Variants in SLC12A9 observed in about 807,000 individuals in gnomAD.
SLC12A9 encodes the protein solute carrier family 12 member 9.
SLC12A9 carries 55 observed loss-of-function variants against 66.0 expected under a neutral mutation model. That is an observed-to-expected ratio of 0.83 (90% CI 0.67 to 1.04). The LOEUF (loss-of-function observed/expected upper bound fraction) is 1.04. Among genes scored for constraint, SLC12A9 ranks in the 50% least tolerant of loss-of-function variants. The pLI, the probability that SLC12A9 is intolerant of heterozygous loss-of-function variation, is 0.00. For synonymous variants in SLC12A9, 577 were observed against 569.0 expected, an observed-to-expected ratio of 1.01 and a Z score of -0.20; for missense variants, 1,061 against 1,241.9, an observed-to-expected ratio of 0.85 and a Z score of 2.19.
chr7:100,838,643 A>T (rs1813716883), intron 1 of SLC12A9, among the ~76,000 whole-genome samples: 1 of 152,122 alleles, frequency 6.6e-6, no homozygotes, highest in Admixed American at 6.5e-5. Context: ...CACCCTCCCC[A>T]GTACCTAGGA....
intron 13 of SLC12A9, among the ~76,000 whole-genome samples, chr7:100,864,026 A>T (rs1004205054): frequency 6.6e-6 from 1 of 150,478 alleles, no homozygotes. Flanking sequence ...GAAATACGAA[A>T]TTTTTCCTGT....
chr7:100,847,082 T>C (rs1243426244), intron 1 of SLC12A9, among the ~76,000 whole-genome samples: 2 of 152,184 alleles, frequency 1.3e-5, no homozygotes, highest in African/African-American at 4.8e-5. Context: ...CTCGAGGAGC[T>C]TGGCTCTTGA....
chr7:100,832,516 G>A (rs1456495205), intron 1 of SLC12A9, among the ~76,000 whole-genome samples: 1 of 151,956 alleles, frequency 6.6e-6, no homozygotes, highest in African/African-American at 2.4e-5. Flanking sequence ...CCATCTCTAA[G>A]CAAAAATTAA....
Position 100,859,927 on chromosome 7 carries a change from C to T in SLC12A9, c.1020C>T (p.Ser340=). The T allele has an allele frequency of 6.2e-7, 1 of 1,609,934 alleles. No individual in the cohort carries two copies. The change falls in exon 8 of 14, where the codon AGC becomes AGT. Residue 340 remains serine, a synonymous_variant. Transcript: ENST00000354161. ...QEDYGFFRAI[S]LWPPLVLIGI... ...ACTATGGGTTCTTCCGCGCCATCAG[C>T]CTGTGGCCCCCACTGGTGTTGATCG...
upstream of SLC12A9, among the ~76,000 whole-genome samples, chr7:100,850,263 T>C (rs535436882): frequency 1.2e-3 from 174 of 143,248 alleles, 1 homozygote; most frequent in Middle Eastern, 6.9e-3. Flanking sequence ...TTCTTTCTTT[T>C]TTTTTTTTTT....
At chr7:100,864,422 G>T (rs1018648477) in intron 13 of SLC12A9, among the ~76,000 whole-genome samples, 3 of 152,182 alleles carry the variant, frequency 2.0e-5, no homozygotes, top group African/African-American at 7.2e-5. Context: ...AAAAGGAAAA[G>T]TAGTTCCTTT....
At chr7:100,848,083 CAAAAAAAAAAA>C (rs36071720), upstream of SLC12A9, among the ~76,000 whole-genome samples, 88 of 43,964 alleles carry the variant, frequency 2.0e-3, no homozygotes, top group African/African-American at 4.6e-3. Flanking sequence ...GACTCCATCT[CAAAAAAAAAAA>C]AAAAAAAAAA....
intron 1 of SLC12A9, among the ~76,000 whole-genome samples, chr7:100,833,377 G>T (rs1447348381): frequency 6.6e-6 from 1 of 152,062 alleles, no homozygotes; most frequent in Non-Finnish European, 1.5e-5. Flanking sequence ...GCTGAGGCAC[G>T]AGAATTGCTT....
chr7:100,852,381 C>G (rs551399635), upstream of SLC12A9: 1 of 152,456 alleles, frequency 6.6e-6, no homozygotes, highest in Admixed American at 6.5e-5. Context: ...CGCACCTGGC[C>G]CAGGTGTTGC....
rs773044758 is a variant in SLC12A9, at chr7:100,865,705, C to T, written c.1859-14C>T. ...GACTCCTGTCTGTTCCTGCCTTCCC[C>T]GCTCTGCCCCCAGGTGGCATGAAGC... is the stretch of plus-strand genomic sequence containing the variant. On this transcript the variant is annotated splice_polypyrimidine_tract_variant and intron_variant, in intron 13 of 13. Transcript: ENST00000354161. The T allele has an allele frequency of 5.6e-6, 9 of 1,594,288 alleles. No individual in the cohort carries two copies. Among genetic ancestry groups the T allele is most frequent in the Middle Eastern group, 1.8e-4 (1 of 5,630 alleles).
chr7:100,826,896 C>T (rs893978332), exon 1 of SLC12A9: 63 of 1,478,696 alleles, frequency 4.3e-5, no homozygotes, highest in Non-Finnish European at 5.6e-5. Flanking sequence ...AGTCAGAGGC[C>T]GGCCCCTCCA....
rs1409707889 is a variant in SLC12A9, at chr7:100,861,683, C to G, written c.1537-54C>G. 1.2e-6 allele frequency: 2 copies of G among 1,611,766 alleles called. No individual in the cohort carries two copies. The highest frequency in any genetic ancestry group is 1.7e-6 in the Non-Finnish European group (2 of 1,178,046). ...GTGCTCCCGTCCAGGAGGCGCTGAA[C>G]GGGGCTGTGCATTTGATCCTGCCAC... On this transcript the variant is annotated intron_variant, in intron 11 of 13. Coordinates refer to ENST00000354161, the MANE Select transcript of SLC12A9 (RefSeq NM_020246.4). The surrounding 1 kb of genome is among the most constrained non-coding windows in gnomAD (Gnocchi z 5.3).
At chr7:100,838,806 C>T (rs183987997) in intron 1 of SLC12A9, among the ~76,000 whole-genome samples, 19 of 152,268 alleles carry the variant, frequency 1.2e-4, no homozygotes, top group African/African-American at 2.4e-4. Context: ...GCAGACAGCC[C>T]GGTGCCATAA....
At chr7:100,851,965 A>ACTGAACT (rs1002512189), upstream of SLC12A9, among the ~76,000 whole-genome samples, 1 of 152,174 alleles carries the variant, frequency 6.6e-6, no homozygotes, top group Admixed American at 6.5e-5. Flanking sequence ...TTAAATGCTC[A>ACTGAACT]CTGAACTCAC....
At position 100,861,596 on chromosome 7, in the gene SLC12A9, T is replaced by C. The variant is rs560527554; in HGVS notation, c.1536+12T>C. The stretch of plus-strand genomic sequence containing the variant: ...TGCTTTTCCACCAGGTATGGGGAGC[T>C]GGTGGGGCGGTGGGGAAATGGGAGG... On this transcript the variant is annotated intron_variant, in intron 11 of 13. Transcript: ENST00000354161. This position sits in a 1 kb window ranked among gnomAD's most constrained non-coding sequence, Gnocchi z 5.3. The C allele has an allele frequency of 2.5e-6, 4 of 1,611,538 alleles. No individual in the cohort carries two copies. The Admixed American group carries it at 6.7e-5, about 27-fold the overall frequency.
At chr7:100,849,694 C>T (rs1264073418), upstream of SLC12A9, among the ~76,000 whole-genome samples, 2 of 150,276 alleles carry the variant, frequency 1.3e-5, no homozygotes, top group Non-Finnish European at 3.0e-5. Flanking sequence ...CAGCCTTGGG[C>T]AACAGACGGA....
At chr7:100,858,722 G>A in intron 5 of SLC12A9, 113 bp from the exon 6 acceptor site, 1 of 936,226 alleles carries the variant, frequency 1.1e-6, no homozygotes, top group Non-Finnish European at 1.6e-6. Flanking sequence ...TCTTAGTGAG[G>A]GCAGTGCAGG....
At chr7:100,853,105 T>A (rs1814168830) in intron 1 of SLC12A9, among the ~76,000 whole-genome samples, 1 of 150,678 alleles carries the variant, frequency 6.6e-6, no homozygotes, top group Admixed American at 6.6e-5. Flanking sequence ...AGGAGGGGGT[T>A]TGAGATGGGT....
intron 1 of SLC12A9, among the ~76,000 whole-genome samples, chr7:100,835,008 T>C (rs900295968): frequency 1.3e-5 from 2 of 152,196 alleles, no homozygotes; most frequent in Admixed American, 1.3e-4. Context: ...CACTGCAGCC[T>C]GGGCAACAGA....
Sources: gnomAD v4.1 joint callset for allele counts (sites outside exome capture counted in the v4.1 genomes callset) on GRCh38, gnomAD v4.1.1 for gene constraint, Gnocchi (gnomAD v3.1) non-coding constraint, MANE v1.5 for transcripts, NCBI Gene and HGNC (gene_info 2026-07-23, HGNC 2026-07-21) for gene names.